The following ABCA12 variants were observed in gnomAD, a reference collection of about 807,000 sequenced individuals.
The protein encoded by ABCA12 is ATP binding cassette subfamily A member 12.
ABCA12 carries 156 observed loss-of-function variants against 293.5 expected under a neutral mutation model. The observed-to-expected ratio is 0.53, with a 90% CI of 0.47 to 0.61. The LOEUF (loss-of-function observed/expected upper bound fraction) is 0.61, where lower values mean the gene tolerates loss of function less well. ABCA12 is among the 20% of genes least tolerant of loss of function. The pLI is 0.00. For synonymous variants in ABCA12, 1,063 were observed against 1,108.0 expected (o/e 0.96, Z 0.81); for missense variants, 2,797 against 3,090.2 (o/e 0.91, Z 2.25).
At chr2:215,064,759 T>G (rs886770969) in intron 2 of ABCA12, among the ~76,000 whole-genome samples, 1 of 150,054 alleles carries the variant, frequency 6.7e-6, no homozygotes, top group Non-Finnish European at 1.5e-5. Context: ...ATCCAAAAGA[T>G]TGTATCACCA....
chr2:214,990,942 G>T lies in ABCA12; in HGVS notation c.3384C>A (p.Ile1128=). 1 of 1,613,990 alleles carries T rather than the reference G, an allele frequency of 6.2e-7. No individual in the cohort carries two copies. Among genetic ancestry groups the T allele is most frequent in the Non-Finnish European group, 8.5e-7 (1 of 1,179,972 alleles). Residue 1128 remains isoleucine (I), a synonymous_variant, in exon 24 of 53, where the codon ATC becomes ATA. Transcript: ENST00000272895. ...TGCCAAACTTGAGTATAATGATGAG[G>T]ATCACGATGGTAACCAGTAAAAATC... The part of the protein sequence containing the change: ...SVGFLLVTIV[I]LIIILKFGNI...
intron 7 of ABCA12, among the ~76,000 whole-genome samples, chr2:215,041,593 G>A (rs1454427075): frequency 6.7e-6 from 1 of 150,124 alleles, no homozygotes; most frequent in Non-Finnish European, 1.5e-5. Context: ...TTGCTATGGA[G>A]AACAGTATGG....
Position 215,059,956 on chromosome 2 carries a change from A to C in ABCA12, c.317+4110T>G, listed in dbSNP as rs114303787. Among the ~76,000 whole-genome samples the C allele has an allele frequency of 4.8e-3, 729 of 152,088 alleles. 4 individuals carry two copies. Among genetic ancestry groups the C allele is most frequent in the African/African-American group, 0.017 (689 of 41,514 alleles). On this transcript the variant is annotated intron_variant, in intron 3 of 52. Transcript: ENST00000272895. ...CAAATATACATTCTGCTATTCTGGT[A>C]ACCACCACCCTATCTGTTCTCAATG...
chr2:214,939,290 T>C (rs1698320483), intron 50 of ABCA12, among the ~76,000 whole-genome samples: 1 of 152,200 alleles, frequency 6.6e-6, no homozygotes, highest in Non-Finnish European at 1.5e-5. Flanking sequence ...TGGCATTATT[T>C]CTGAGGCCTC....
At chr2:215,036,017 C>T (rs1157017744) in intron 8 of ABCA12, among the ~76,000 whole-genome samples, 2 of 152,084 alleles carry the variant, frequency 1.3e-5, no homozygotes, top group African/African-American at 4.8e-5. Flanking sequence ...AGCACATTGT[C>T]TGGTTTTCTA....
At chr2:215,093,161 C>T (rs886699321) in intron 2 of ABCA12, among the ~76,000 whole-genome samples, 1 of 152,214 alleles carries the variant, frequency 6.6e-6, no homozygotes, top group Admixed American at 6.5e-5. Context: ...CAGATATCTT[C>T]CTCATCCATT....
chr2:215,081,865 G>A (rs1389358836), intron 2 of ABCA12, among the ~76,000 whole-genome samples: 3 of 152,046 alleles, frequency 2.0e-5, no homozygotes, highest in African/African-American at 7.2e-5. Context: ...AGAGGATCTT[G>A]AATTCTCAGA....
chr2:215,074,264 G>A (rs1701792966), intron 2 of ABCA12, among the ~76,000 whole-genome samples: 1 of 152,166 alleles, frequency 6.6e-6, no homozygotes, highest in Admixed American at 6.6e-5. Flanking sequence ...TTGGTTTCAA[G>A]TCTTAATGTA....
rs770545061 is a variant in ABCA12 at position 214,983,854 on chromosome 2, G to A, written c.4175C>T (p.Thr1392Ile). Residue 1392 changes from threonine (T) to isoleucine (I), a missense_variant, in exon 29 of 53, where the codon ACT becomes ATT. Coordinates refer to ENST00000272895, the MANE Select transcript of ABCA12 (RefSeq NM_173076.3). ...AGKTTTISML[T>I]GLFGASAGTI... ...GCCTGCTGAGGCCCCAAACAGCCCA[G>A]TTAACATGGAACTGGAAATGAAGAA... is the stretch of plus-strand genomic sequence containing the variant. The A allele has an allele frequency of 6.2e-7, 1 of 1,613,892 alleles. No homozygotes were observed. Among genetic ancestry groups the A allele is most frequent in the South Asian group, 1.1e-5 (1 of 91,064 alleles).
At chr2:214,989,209 T>TATATATATATATATATAA (rs1177238854) in intron 26 of ABCA12, 120 bp downstream of exon 26, 2 of 167,446 alleles carry the variant, frequency 1.2e-5, no homozygotes, top group Non-Finnish European at 2.4e-5. Context: ...TATATATATA[T>TATATATATATATATATAA]AATATTTTTA....
In ABCA12 at chr2:215,045,963, A is replaced by T. The variant is rs367861522; in HGVS notation, c.746T>A (p.Met249Lys). 6.2e-7 allele frequency: 1 copy of T among 1,613,758 alleles called. No homozygotes were observed. Among genetic ancestry groups the T allele is most frequent in the Non-Finnish European group, 8.5e-7 (1 of 1,179,804 alleles). ...TTGCACTTGTGAGAAGAAAGACAGC[A>T]TTCTGACTATTTCCTGAAACACTAT... ...QKIVFQEIVR[M>K]LSFFSQVQEQ... is the part of the protein sequence containing the mutation. Residue 249 changes from methionine to lysine, a missense_variant, in exon 7 of 53, where the codon ATG becomes AAG. Around this residue, in one of 3 missense-constraint regions of ABCA12, gnomAD observed 656 missense variants for 638.2 expected, o/e 1.03. Transcript: ENST00000272895.
At chr2:214,971,107 C>T (rs909702228) in intron 36 of ABCA12, among the ~76,000 whole-genome samples, 1 of 152,004 alleles carries the variant, frequency 6.6e-6, no homozygotes, top group South Asian at 2.1e-4. Flanking sequence ...TCTTTGCTTC[C>T]TGACAACTTA....
At chr2:214,990,460 C>T (rs1342336010) in intron 24 of ABCA12, among the ~76,000 whole-genome samples, 1 of 152,176 alleles carries the variant, frequency 6.6e-6, no homozygotes, top group Non-Finnish European at 1.5e-5. Context: ...GACATTTTAA[C>T]TGTTCTTTCT....
At chr2:215,004,370 C>A in intron 19 of ABCA12, 71 bp from the exon 20 acceptor site, 1 of 1,177,104 alleles carries the variant, frequency 8.5e-7, no homozygotes. Flanking sequence ...CTCTAATAAC[C>A]ACCACAGTGA....
intron 30 of ABCA12, among the ~76,000 whole-genome samples, 163 bp from the exon 31 acceptor site, chr2:214,980,806 G>C (rs2105964366): frequency 6.6e-6 from 1 of 152,234 alleles, no homozygotes; most frequent in Non-Finnish European, 1.5e-5. Context: ...AATGATGCAA[G>C]AAAAATTCAG....
rs1053028479 is a variant in ABCA12 at position 215,064,123 on chromosome 2, T to C, written c.260A>G (p.Tyr87Cys). 9 of 1,612,796 alleles carry C rather than the reference T, an allele frequency of 5.6e-6. No homozygotes were observed. In the African/African-American group the frequency reaches 9.4e-5, roughly 17 times the overall value. ...DTDSKCKDTP[Y>C]GPQDLLRRKG... Reference sequence around the variant, plus strand: ...CCTACGAAGCAGATCTTGTGGGCCATAGGGTGTGTCTTTGCATTTAGAGTC... The same window carrying C: ...CCTACGAAGCAGATCTTGTGGGCCACAGGGTGTGTCTTTGCATTTAGAGTC... The change falls in exon 3 of 53, where the codon TAT becomes TGT. Residue 87 changes from tyrosine (Y) to cysteine (C), a missense_variant. Physicochemically the swap from Tyr to Cys is radical, Grantham distance 194 (BLOSUM62 -2). Transcript: ENST00000272895.
chr2:214,993,944 T>C (rs1699980439), intron 23 of ABCA12, among the ~76,000 whole-genome samples: 1 of 152,210 alleles, frequency 6.6e-6, no homozygotes, highest in Non-Finnish European at 1.5e-5. Context: ...AAGATCAGAT[T>C]CCAGTCCCAG....
intron 37 of ABCA12, among the ~76,000 whole-genome samples, 167 bp from the exon 38 acceptor site, chr2:214,968,974 T>C (rs1003246429): frequency 6.6e-6 from 1 of 152,086 alleles, no homozygotes; most frequent in Admixed American, 6.6e-5. Context: ...CAATTCTTTT[T>C]ATCATATTTC....
At chr2:214,951,203 A>G in intron 44 of ABCA12, 120 bp from the exon 45 acceptor site, 1 of 882,670 alleles carries the variant, frequency 1.1e-6, no homozygotes, top group Non-Finnish European at 1.8e-6. Flanking sequence ...GACTTCTTTT[A>G]CATTTGTAAT....
Sources: gnomAD v4.1 joint callset for allele counts (sites outside exome capture counted in the v4.1 genomes callset) on GRCh38, gnomAD v4.1.1 for gene constraint, gnomAD v4.1.1 regional missense constraint, MANE v1.5 for transcripts, NCBI Gene and HGNC (gene_info 2026-07-23, HGNC 2026-07-21) for gene names.